A2ML1: variants seen among roughly 807,000 people sequenced by gnomAD.
A2ML1 encodes alpha-2-macroglobulin like 1.
In A2ML1, 161 loss-of-function variants were observed where a neutral mutation model predicts 181.9. That is an observed-to-expected ratio of 0.89 (90% CI 0.78 to 1.01). The LOEUF (loss-of-function observed/expected upper bound fraction) is 1.01. A2ML1 is among the 50% of genes least tolerant of loss of function. The probability of loss-of-function intolerance (pLI) is 0.00; values close to 1 mark genes in which losing one functional copy is unlikely to be tolerated. For synonymous variants in A2ML1, 663 were observed against 666.8 expected (o/e 0.99, Z 0.09); for missense variants, 1,670 against 1,768.1 (o/e 0.94, Z 1.00).
At chr12:8,834,588 C>T in intron 4 of A2ML1, 74 bp from the exon 5 acceptor site, 5 of 1,553,526 alleles carry the variant, frequency 3.2e-6, no homozygotes, top group Non-Finnish European at 4.4e-6. Context: ...TCTTTGTGAA[C>T]TTTTGCTTTC....
At chr12:8,850,994 C>T (rs1429610411) in intron 18 of A2ML1, among the ~76,000 whole-genome samples, 1 of 152,196 alleles carries the variant, frequency 6.6e-6, no homozygotes, top group Non-Finnish European at 1.5e-5. Flanking sequence ...CCGCCTTGGC[C>T]TCCCAAAGTG....
chr12:8,875,117 C>T (rs1020688695), intron 35 of A2ML1, 105 bp downstream of exon 35: 35 of 1,282,086 alleles, frequency 2.7e-5, no homozygotes, highest in Middle Eastern at 2.1e-4. Context: ...GATAGAGTCT[C>T]GCGGTGTTGC....
chr12:8,846,295 A>G, intron 14 of A2ML1, 73 bp downstream of exon 14: 1 of 1,563,390 alleles, frequency 6.4e-7, no homozygotes, highest in South Asian at 1.1e-5. Flanking sequence ...CTGCGGTTGG[A>G]AACAAGACAA....
chr12:8,837,288 G>A (rs1266270860), intron 7 of A2ML1, 152 bp from the exon 8 acceptor site: 1 of 962,100 alleles, frequency 1.0e-6, no homozygotes. Context: ...CCAAAGTGCT[G>A]GGATTACAGG....
intron 4 of A2ML1, among the ~76,000 whole-genome samples, chr12:8,833,557 C>A (rs1411942179): frequency 6.6e-6 from 1 of 151,362 alleles, no homozygotes; most frequent in African/African-American, 2.4e-5. Context: ...CCACCATGTC[C>A]GGCTAATTTT....
intron 26 of A2ML1, among the ~76,000 whole-genome samples, chr12:8,858,492 T>C (rs116138326): frequency 0.034 from 5,184 of 152,134 alleles, 333 homozygotes; most frequent in African/African-American, 0.12. Context: ...TGGTTGAGGT[T>C]GGAGGATCAC....
intron 7 of A2ML1, among the ~76,000 whole-genome samples, chr12:8,885,692 G>C (rs1220779920): frequency 2.0e-5 from 3 of 152,134 alleles, no homozygotes; most frequent in Admixed American, 1.3e-4. Flanking sequence ...TCGAACTCCT[G>C]AGCTCAAGCA....
intron 10 of A2ML1, among the ~76,000 whole-genome samples, chr12:8,840,658 T>C (rs190171285): frequency 1.3e-4 from 20 of 151,670 alleles, no homozygotes; most frequent in Admixed American, 5.9e-4. Context: ...GCCTGTAATC[T>C]CAGCACTTTG....
At chr12:8,872,720 G>T (rs1463990784) in intron 33 of A2ML1, among the ~76,000 whole-genome samples, 2 of 150,584 alleles carry the variant, frequency 1.3e-5, no homozygotes, top group South Asian at 4.2e-4. Context: ...GCAGGCAGAG[G>T]TTGCGGTGAG....
At chr12:8,885,622 C>T (rs892673078) in intron 7 of A2ML1, among the ~76,000 whole-genome samples, 5 of 151,906 alleles carry the variant, frequency 3.3e-5, no homozygotes, top group African/African-American at 9.7e-5. Flanking sequence ...CACCACACCC[C>T]GCTAATTTTT....
chr12:8,829,433 C>T (rs1266267397), intron 3 of A2ML1, among the ~76,000 whole-genome samples: 1 of 152,114 alleles, frequency 6.6e-6, no homozygotes, highest in South Asian at 2.1e-4. Context: ...GAGGCCAAGG[C>T]AGGTGGATCA....
At chr12:8,877,385 AAC>A (rs1944823345), downstream of A2ML1, among the ~76,000 whole-genome samples, 3 of 152,336 alleles carry the variant, frequency 2.0e-5, no homozygotes, top group South Asian at 6.2e-4. Flanking sequence ...AGAAACTATC[AAC>A]AGAGTAAACA....
intron 4 of A2ML1, 154 bp downstream of exon 4, chr12:8,829,933 G>A: frequency 1.3e-6 from 1 of 799,696 alleles, no homozygotes; most frequent in Non-Finnish European, 2.0e-6. Context: ...TGCTGGGCGA[G>A]CTTCAGGGAG....
intron 18 of A2ML1, among the ~76,000 whole-genome samples, chr12:8,851,258 C>T (rs148934903): frequency 1.3e-5 from 2 of 152,292 alleles, no homozygotes; most frequent in East Asian, 3.9e-4. Flanking sequence ...GTCAGATGTG[C>T]TTGCACAGAG....
Position 8,843,158 on chromosome 12 carries a change from G to C in A2ML1, c.1273G>C (p.Val425Leu). Residue 425 changes from valine to leucine, a missense_variant, in exon 12 of 36, where the codon GTA (valine) becomes CTA (leucine). Transcript: ENST00000299698. ...GGGAAAGTTTCAAATGGAAGACTTA[G>C]TATATAATCCGGAACAAGTGCCACG... ...LEGKFQMEDL[V>L]YNPEQVPRYY... The C allele has an allele frequency of 1.9e-6, 3 of 1,614,160 alleles. No individual in the cohort carries two copies. Among genetic ancestry groups the C allele is most frequent in the Non-Finnish European group, 2.5e-6 (3 of 1,180,032 alleles).
At chr12:8,866,489 G>T (rs1236002973) in intron 29 of A2ML1, among the ~76,000 whole-genome samples, 1 of 151,948 alleles carries the variant, frequency 6.6e-6, no homozygotes, top group Non-Finnish European at 1.5e-5. Context: ...TTTTTGGAAA[G>T]CAGTGGGTGA....
At chr12:8,882,911 A>T (rs777655605) in intron 7 of A2ML1, among the ~76,000 whole-genome samples, 23 of 152,104 alleles carry the variant, frequency 1.5e-4, no homozygotes, top group Non-Finnish European at 2.2e-4. Flanking sequence ...GACTTTCATG[A>T]CTATTTTCTT....
At chr12:8,856,725 C>T (rs897279046) in intron 23 of A2ML1, among the ~76,000 whole-genome samples, 2 of 152,166 alleles carry the variant, frequency 1.3e-5, no homozygotes, top group Admixed American at 6.5e-5. Context: ...TGTGCCTCTC[C>T]GTGTCCCCTA....
intron 28 of A2ML1, among the ~76,000 whole-genome samples, chr12:8,863,336 C>A (rs752564247): frequency 1.3e-5 from 2 of 152,192 alleles, no homozygotes; most frequent in South Asian, 2.1e-4. Context: ...AAACTCCCGA[C>A]CTCAGGTGAT....
Sources: allele counts gnomAD v4.1 joint callset (sites outside exome capture counted in the v4.1 genomes callset), GRCh38; gene constraint gnomAD v4.1.1; transcripts MANE v1.5; gene names NCBI Gene and HGNC (gene_info 2026-07-23, HGNC 2026-07-21).